The following DNAH7 variants were observed in gnomAD, a reference collection of about 807,000 sequenced individuals.
DNAH7 encodes the protein dynein axonemal heavy chain 7.
Under a neutral mutation model 444.6 loss-of-function variants are expected in DNAH7, and 397 were observed. The ratio of observed to expected loss-of-function variants is 0.89; its 90% CI spans 0.82 to 0.97. DNAH7 has a LOEUF of 0.97. Among genes scored for constraint, DNAH7 ranks in the 50% least tolerant of loss-of-function variants. DNAH7 has a pLI of 0.00. For missense variants in DNAH7, 4,902 were observed against 4,800.8 expected, an observed-to-expected ratio of 1.02 and a Z score of -0.62; for synonymous variants, 1,636 against 1,624.4, an observed-to-expected ratio of 1.01 and a Z score of -0.17.
chr2:196,033,297 CTT>C (rs1696176593), intron 5 of DNAH7, among the ~76,000 whole-genome samples: 1 of 152,142 alleles, frequency 6.6e-6, no homozygotes, highest in South Asian at 2.1e-4. Context: ...ATACTTAACA[CTT>C]TGTGTGGAGA....
intron 30 of DNAH7, chr2:195,892,777 A>C (rs1702086996): frequency 6.6e-6 from 1 of 151,782 alleles, no homozygotes; most frequent in Non-Finnish European, 1.5e-5. Context: ...GAACACTTTC[A>C]CTCCCCTAAA....
chr2:195,869,548 G>A (rs1475127088), intron 40 of DNAH7, among the ~76,000 whole-genome samples: 1 of 152,136 alleles, frequency 6.6e-6, no homozygotes. Context: ...AGAAAGACTG[G>A]AACTACTAGG....
intron 22 of DNAH7, among the ~76,000 whole-genome samples, chr2:195,925,837 A>C (rs574749213): frequency 6.6e-6 from 1 of 152,278 alleles, no homozygotes; most frequent in Non-Finnish European, 1.5e-5. Context: ...ATCCTATCTC[A>C]ATGATAGAAC....
intron 1 of DNAH7, among the ~76,000 whole-genome samples, chr2:196,064,351 T>A (rs1023966184): frequency 6.9e-6 from 1 of 144,772 alleles, no homozygotes; most frequent in African/African-American, 2.6e-5. Flanking sequence ...AAATAAATAA[T>A]AAATAATAAA....
intron 19 of DNAH7, among the ~76,000 whole-genome samples, chr2:195,956,349 G>A (rs760435597): frequency 2.6e-5 from 4 of 151,972 alleles, no homozygotes; most frequent in South Asian, 2.1e-4. Flanking sequence ...ATGCTTCCGA[G>A]GCAGTGAATA....
chr2:195,777,511 T>C (rs981510247), intron 59 of DNAH7, among the ~76,000 whole-genome samples: 2 of 152,244 alleles, frequency 1.3e-5, no homozygotes, highest in Admixed American at 6.5e-5. Flanking sequence ...TTCATTTTAA[T>C]TGGGGACAAT....
intron 58 of DNAH7, among the ~76,000 whole-genome samples, chr2:195,786,360 TG>T (rs1695621712): frequency 6.6e-6 from 1 of 152,226 alleles, no homozygotes; most frequent in African/African-American, 2.4e-5. Context: ...ATAGGACATT[TG>T]GGTTTATTTA....
intron 21 of DNAH7, among the ~76,000 whole-genome samples, chr2:195,933,313 A>G (rs1425441522): frequency 6.6e-6 from 1 of 152,228 alleles, no homozygotes; most frequent in East Asian, 1.9e-4. Flanking sequence ...ACTGTAAACT[A>G]GTTCAACCAT....
At chr2:195,988,879 CT>C (rs1259424912) in intron 12 of DNAH7, among the ~76,000 whole-genome samples, 1 of 152,146 alleles carries the variant, frequency 6.6e-6, no homozygotes, top group Non-Finnish European at 1.5e-5. Flanking sequence ...CACTACTCTA[CT>C]CTTTATTTCT....
chr2:195,745,307 A>G (rs1559066569), intron 63 of DNAH7, among the ~76,000 whole-genome samples: 1 of 152,204 alleles, frequency 6.6e-6, no homozygotes. Context: ...TTTAGAGAAA[A>G]AAGAATAAAA....
chr2:195,799,540 T>C, intron 54 of DNAH7, 68 bp from the exon 55 acceptor site: 1 of 1,377,156 alleles, frequency 7.3e-7, no homozygotes, highest in Non-Finnish European at 9.6e-7. Context: ...AAAATTTAGA[T>C]TCAAAGGAGT....
chr2:195,864,860 TAA>T lies in DNAH7; in HGVS notation c.6793_6794del (p.Leu2265ThrfsTer7), dbSNP rs1365014950. ...DNDGMVEADDLRSLMFCDFHD... is the reference protein window; with the variant it reads ...DNDGMVEADDXRSLMFCDFHD... ...GGAAATCACAAAACATTAAGCTGCG[TAA>T]GTCATCTGCTTCCACCATGCCATCA... On this transcript the variant is annotated frameshift_variant, in exon 41 of 65. Transcript: ENST00000312428. LOFTEE classifies it high-confidence loss of function. The T allele has an allele frequency of 1.2e-6, 2 of 1,613,988 alleles. No individual in the cohort carries two copies. Among genetic ancestry groups the T allele is most frequent in the African/African-American group, 2.7e-5 (2 of 74,918 alleles).
intron 12 of DNAH7, among the ~76,000 whole-genome samples, chr2:195,991,054 G>A (rs1693305503): frequency 6.7e-6 from 1 of 149,142 alleles, no homozygotes; most frequent in Non-Finnish European, 1.5e-5. Context: ...ACACCCATTT[G>A]AGGTGATTAG....
intron 10 of DNAH7, among the ~76,000 whole-genome samples, chr2:196,006,222 C>G (rs1694365461): frequency 6.6e-6 from 1 of 152,098 alleles, no homozygotes; most frequent in African/African-American, 2.4e-5. Flanking sequence ...ACAAGAAACA[C>G]TTGAACCCAG....
chr2:195,749,515 A>G (rs1247065547), intron 63 of DNAH7, among the ~76,000 whole-genome samples: 16 of 152,186 alleles, frequency 1.1e-4, no homozygotes, highest in East Asian at 1.9e-4. Context: ...TCATGCTGCT[A>G]TTAAGACACA....
intron 17 of DNAH7, among the ~76,000 whole-genome samples, chr2:195,965,025 C>T (rs1441061052): frequency 1.3e-5 from 2 of 152,128 alleles, no homozygotes; most frequent in African/African-American, 4.8e-5. Context: ...TGAAAGTGGG[C>T]ATCCTTGATG....
intron 56 of DNAH7, among the ~76,000 whole-genome samples, chr2:195,796,293 G>A (rs1696134801): frequency 6.6e-6 from 1 of 152,144 alleles, no homozygotes; most frequent in African/African-American, 2.4e-5. Flanking sequence ...CTACCCTGTG[G>A]TTTACTCTCC....
At position 195,845,105 on chromosome 2, in the gene DNAH7, A is replaced by G. The variant is rs1698907448; in HGVS notation, c.8842T>C (p.Cys2948Arg). The G allele has an allele frequency of 6.2e-7, 1 of 1,613,944 alleles. No homozygotes were observed. The highest frequency in any genetic ancestry group is 1.3e-5 in the African/African-American group (1 of 75,050). The change falls in exon 47 of 65, where the codon TGC becomes CGC. Residue 2948 changes from cysteine to arginine, a missense_variant. Physicochemically the swap from Cys to Arg is radical, Grantham distance 180. Transcript: ENST00000312428. The part of the protein sequence containing the change: ...KGRDIPCSDD[C>R]SLMGTLGEAV... ...TCTCCCAGGGTACCCATAAGAGAGC[A>G]ATCATCTGAGCAGGGGATATCTCTT...
chr2:195,813,022 T>C (rs1410622880), intron 51 of DNAH7, among the ~76,000 whole-genome samples: 1 of 152,206 alleles, frequency 6.6e-6, no homozygotes, highest in African/African-American at 2.4e-5. Context: ...TGGCAGTATT[T>C]ACTAAAAGGG....
Sources: allele counts gnomAD v4.1 joint callset (sites outside exome capture counted in the v4.1 genomes callset), GRCh38; gene constraint gnomAD v4.1.1; transcripts MANE v1.5; gene names NCBI Gene and HGNC (gene_info 2026-07-23, HGNC 2026-07-21).